NUF2: variants seen among roughly 807,000 people sequenced by gnomAD.
The protein encoded by NUF2 is kinetochore protein Nuf2.
In NUF2, 34 loss-of-function variants were observed where a neutral mutation model predicts 61.8. That is an observed-to-expected ratio of 0.55 (90% CI 0.42 to 0.73). The LOEUF is 0.73. Ranked by LOEUF, NUF2 falls within the 30% of genes least tolerant of loss-of-function variation. The pLI, the probability that NUF2 is intolerant of heterozygous loss-of-function variation, is 0.00. For synonymous variants in NUF2, 172 were observed against 181.6 expected (o/e 0.95, Z 0.42); for missense variants, 445 against 539.1 (o/e 0.83, Z 1.73).
At chr1:163,324,823 A>T (rs1261704368) in intron 1 of NUF2, among the ~76,000 whole-genome samples, 1 of 152,100 alleles carries the variant, frequency 6.6e-6, no homozygotes, top group Non-Finnish European at 1.5e-5. Flanking sequence ...CTTTAAACAT[A>T]ATTCCAGTAC....
intron 9 of NUF2, among the ~76,000 whole-genome samples, chr1:163,341,920 G>A (rs1650960062): frequency 1.3e-5 from 2 of 152,050 alleles, no homozygotes; most frequent in Admixed American, 6.5e-5. Flanking sequence ...GTGAGCCACC[G>A]CACCCGGCCA....
chr1:163,339,475 A>G lies in NUF2; in HGVS notation c.604A>G (p.Thr202Ala). The G allele has an allele frequency of 6.3e-7, 1 of 1,599,726 alleles. No homozygotes were observed. Among genetic ancestry groups the G allele is most frequent in the Non-Finnish European group, 8.6e-7 (1 of 1,167,392 alleles). The change falls in exon 8 of 14, where the codon ACG becomes GCG. Residue 202 changes from threonine to alanine, a missense_variant and splice_region_variant. Coordinates refer to ENST00000271452, the MANE Select transcript of NUF2 (RefSeq NM_145697.3). ...ACTAAATCAGGATTTTCATCAAAAA[A>G]CGGTATCTGTTGTGAGGCACCTTAA... Reference protein sequence around the residue: ...QSLNQDFHQKTIVLQEGNSQK... With the variant: ...QSLNQDFHQKAIVLQEGNSQK...
At chr1:163,355,285 T>A in intron 13 of NUF2, 50 bp from the exon 14 acceptor site, 1 of 1,405,386 alleles carries the variant, frequency 7.1e-7, no homozygotes, top group Non-Finnish European at 9.8e-7. Flanking sequence ...TCATTTGTAG[T>A]TTAGGTTGTT....
intron 3 of NUF2, 156 bp from the exon 4 acceptor site, chr1:163,328,072 C>T (rs1650483969): frequency 4.1e-6 from 2 of 490,140 alleles, no homozygotes; most frequent in East Asian, 6.4e-5. Flanking sequence ...GTGAACCTAG[C>T]ATTAATAATG....
At chr1:163,329,029 A>C in intron 5 of NUF2, 122 bp downstream of exon 5, 1 of 483,788 alleles carries the variant, frequency 2.1e-6, no homozygotes, top group Non-Finnish European at 3.7e-6. Flanking sequence ...GCCTTTAAAA[A>C]GTATATCCCA....
intron 13 of NUF2, among the ~76,000 whole-genome samples, chr1:163,353,505 T>G (rs1012601182): frequency 6.6e-6 from 1 of 152,216 alleles, no homozygotes; most frequent in African/African-American, 2.4e-5. Flanking sequence ...AATTTTTAAT[T>G]TCATTTGATT....
At chr1:163,344,567 G>C (rs1651056542) in intron 10 of NUF2, among the ~76,000 whole-genome samples, 2 of 147,378 alleles carry the variant, frequency 1.4e-5, no homozygotes, top group Non-Finnish European at 3.0e-5. Context: ...AATTCTGTGG[G>C]GTAGTGGGGA....
rs1651182123 is a variant in NUF2 at position 163,347,822 on chromosome 1, T to G, written c.1008T>G (p.Thr336=). The G allele has an allele frequency of 6.2e-7, 1 of 1,612,048 alleles. No individual in the cohort carries two copies. Among genetic ancestry groups the G allele is most frequent in the East Asian group, 2.2e-5 (1 of 44,754 alleles). Residue 336 remains threonine (T), a synonymous_variant, in exon 12 of 14, where the codon ACT becomes ACG. Coordinates refer to ENST00000271452, the MANE Select transcript of NUF2 (RefSeq NM_145697.3). ...SDESELKKLK[T]EENSFKRLMI... is the part of the protein sequence containing the mutation. ...AGTCAGAACTGAAGAAATTGAAGAC[T>G]GAAGAAAATTCGTTCAAAAGACTGA...
intron 5 of NUF2, among the ~76,000 whole-genome samples, chr1:163,329,893 A>G (rs529341393): frequency 3.9e-5 from 6 of 152,330 alleles, no homozygotes; most frequent in Non-Finnish European, 7.4e-5. Flanking sequence ...CTAGCAAGCT[A>G]TGAGAAGACA....
In NUF2 at chr1:163,344,265, T is replaced by G. The variant is rs180799635; in HGVS notation, c.807+395T>G. On this transcript the variant is annotated intron_variant, in intron 10 of 13. Coordinates refer to ENST00000271452, the MANE Select transcript of NUF2 (RefSeq NM_145697.3). ...TGTAGGTAGGGGTATACGAGAAATC[T>G]CTGTACCTTCTGATTAATTTTGCTG... Among the ~76,000 whole-genome samples, 397 of 152,214 alleles carry G rather than the reference T, an allele frequency of 2.6e-3. 6 individuals carry two copies. The highest frequency in any genetic ancestry group is 8.3e-3 in the South Asian group (40 of 4,820).
rs916160179 is a variant in NUF2, at chr1:163,339,137, A to T, written c.510-244A>T. The T allele has an allele frequency of 1.0e-5, 4 of 397,994 alleles. No individual in the cohort carries two copies. The Admixed American group carries it at 1.2e-4, about 12-fold the overall frequency. 24.7% of individuals were successfully genotyped at this position (397,994 alleles called of 1,614,324 possible). A position where few individuals can be genotyped will look rare whatever the true frequency, so the allele number is the denominator to read the frequency against. On this transcript the variant is annotated intron_variant, in intron 7 of 13. Transcript: ENST00000271452. ...GTTATTAGGAGTGAAGTTAGAAAGG[A>T]TAGGTATGTGTGTGGATGGATCCAT...
chr1:163,348,863 C>G, intron 12 of NUF2, 82 bp from the exon 13 acceptor site: 1 of 1,468,690 alleles, frequency 6.8e-7, no homozygotes, highest in South Asian at 1.2e-5. Flanking sequence ...CACATGGTCA[C>G]TTTGGAATCA....
chr1:163,343,678 A>T, intron 9 of NUF2, 55 bp from the exon 10 acceptor site: 1 of 860,048 alleles, frequency 1.2e-6, no homozygotes, highest in Non-Finnish European at 1.6e-6. Context: ...CCATTACTAG[A>T]ATGGTAAATC....
intron 13 of NUF2, among the ~76,000 whole-genome samples, chr1:163,350,554 A>G (rs1651281749): frequency 6.6e-6 from 1 of 152,208 alleles, no homozygotes; most frequent in African/African-American, 2.4e-5. Flanking sequence ...ATTTCTTAAC[A>G]GTAGCAATTG....
intron 5 of NUF2, among the ~76,000 whole-genome samples, chr1:163,333,169 G>T (rs1357481665): frequency 6.6e-6 from 1 of 152,084 alleles, no homozygotes; most frequent in Non-Finnish European, 1.5e-5. Context: ...TACACATTTA[G>T]AATTGCTATA....
Position 163,345,695 on chromosome 1 carries a change from A to C in NUF2, c.825A>C (p.Lys275Asn). The change falls in exon 11 of 14, where the codon AAA (lysine) becomes AAC (asparagine). Residue 275 changes from lysine to asparagine, a missense_variant. Coordinates refer to ENST00000271452, the MANE Select transcript of NUF2 (RefSeq NM_145697.3). ...LKNARQEVVE[K>N]YEIYGDSVDC... Reference sequence around the variant, plus strand: ...TTTCAAAGCAAGAAGTGGTGGAGAAATATGAAATCTATGGAGACTCAGTTG... The same window carrying C: ...TTTCAAAGCAAGAAGTGGTGGAGAACTATGAAATCTATGGAGACTCAGTTG... The C allele has an allele frequency of 6.2e-7, 1 of 1,611,340 alleles. No individual in the cohort carries two copies. The highest frequency in any genetic ancestry group is 1.1e-5 in the South Asian group (1 of 90,156).
chr1:163,330,845 T>C (rs1200561841), intron 5 of NUF2, among the ~76,000 whole-genome samples: 1 of 152,058 alleles, frequency 6.6e-6, no homozygotes, highest in Non-Finnish European at 1.5e-5. Flanking sequence ...AATTTAAATT[T>C]TCTGATTAGT....
intron 9 of NUF2, among the ~76,000 whole-genome samples, chr1:163,342,940 C>T (rs1426236236): frequency 6.6e-6 from 1 of 151,994 alleles, no homozygotes; most frequent in African/African-American, 2.4e-5. Context: ...AAAATCTTTC[C>T]TGTCAATACA....
Position 163,347,947 on chromosome 1 carries a change from T to G in NUF2, c.1124+9T>G. 1 of 1,478,636 alleles carries G rather than the reference T, an allele frequency of 6.8e-7. No homozygotes were observed. The highest frequency in any genetic ancestry group is 9.0e-7 in the Non-Finnish European group (1 of 1,110,312). 91.6% of individuals were successfully genotyped at this position (1,478,636 alleles called of 1,614,324 possible). ...AAACGCACAGTAATTGAGTATGGAG[T>G]TGTTTTCAATTTTAGTGTATTAGAA... On this transcript the variant is annotated intron_variant, in intron 12 of 13. Coordinates refer to ENST00000271452, the MANE Select transcript of NUF2 (RefSeq NM_145697.3).
Sources: allele counts gnomAD v4.1 joint callset (sites outside exome capture counted in the v4.1 genomes callset), GRCh38; gene constraint gnomAD v4.1.1; transcripts MANE v1.5; gene names NCBI Gene and HGNC (gene_info 2026-07-23, HGNC 2026-07-21).